The following RBM20 variants were observed in gnomAD, a reference collection of about 807,000 sequenced individuals.
RBM20 encodes RNA binding motif protein 20.
RBM20 carries 51 observed loss-of-function variants against 110.1 expected under a neutral mutation model. The ratio of observed to expected loss-of-function variants is 0.46; its 90% CI spans 0.37 to 0.59. The LOEUF is 0.59. Among genes scored for constraint, RBM20 ranks in the 20% least tolerant of loss-of-function variants. The pLI is 0.00. For missense variants in RBM20, 1,512 were observed against 1,574.9 expected (o/e 0.96, Z 0.68); for synonymous variants, 589 against 618.2 (o/e 0.95, Z 0.70).
intron 1 of RBM20, among the ~76,000 whole-genome samples, chr10:110,730,346 C>T (rs569884111): frequency 9.8e-5 from 15 of 152,318 alleles, no homozygotes; most frequent in South Asian, 2.1e-4. Flanking sequence ...AAATTGAATG[C>T]GCCTGATTTT....
Position 110,699,880 on chromosome 10 carries a change from G to A in RBM20, c.191+55235G>A, listed in dbSNP as rs1028166994. On this transcript the variant is annotated intron_variant, in intron 1 of 13. Coordinates refer to ENST00000369519, the MANE Select transcript of RBM20 (RefSeq NM_001134363.3). ...GGATGTCTTGATCACACGCACTGCCGTATCATCACCGTTTATCCTATCATT... is the reference window on the plus strand; with the variant it reads ...GGATGTCTTGATCACACGCACTGCCATATCATCACCGTTTATCCTATCATT... 3.3e-5 allele frequency among the ~76,000 whole-genome samples: 5 copies of A among 152,104 alleles called. No homozygotes were observed. In the East Asian group the frequency reaches 7.7e-4, roughly 23 times the overall value.
chr10:110,767,923 G>A lies in RBM20; in HGVS notation c.192-12878G>A, dbSNP rs183815088. 5.1e-3 allele frequency among the ~76,000 whole-genome samples: 784 copies of A among 152,366 alleles called. 28 individuals carry two copies. The highest frequency in any genetic ancestry group is 0.045 in the Admixed American group (691 of 15,304). On this transcript the variant is annotated intron_variant, in intron 1 of 13. Transcript: ENST00000369519. ...TAGCCAGCCGAGATCACGCCACTGCGCTCCAGCCTGGGCACCATTGAGCAC... is the reference window on the plus strand; with the variant it reads ...TAGCCAGCCGAGATCACGCCACTGCACTCCAGCCTGGGCACCATTGAGCAC...
chr10:110,644,067 C>T (rs955351443), upstream of RBM20, among the ~76,000 whole-genome samples: 2 of 152,174 alleles, frequency 1.3e-5, no homozygotes, highest in Non-Finnish European at 2.9e-5. This position sits in a 1 kb window ranked among gnomAD's most constrained non-coding sequence, Gnocchi z 4.3. Context: ...TATGCTGCGC[C>T]GTGGAACGCT....
chr10:110,744,008 C>T (rs902303412), intron 1 of RBM20, among the ~76,000 whole-genome samples: 4 of 152,136 alleles, frequency 2.6e-5, no homozygotes, highest in African/African-American at 9.7e-5. Context: ...GGGCTCCAGT[C>T]CCCTTTTCTT....
In RBM20 at chr10:110,720,091, G is replaced by C. The variant is rs1346362204; in HGVS notation, c.192-60710G>C. ...AAGGGCACTAATCCCAGTTATGAGG[G>C]CTCTGTCCTAGTGACCTAATCACCT... On this transcript the variant is annotated intron_variant, in intron 1 of 13. Transcript: ENST00000369519. Among the ~76,000 whole-genome samples the C allele has an allele frequency of 2.0e-5, 3 of 152,110 alleles. 1 individual carries two copies. In the East Asian group the frequency reaches 5.8e-4, roughly 29 times the overall value.
At chr10:110,721,411 C>T (rs551704933) in intron 1 of RBM20, among the ~76,000 whole-genome samples, 23 of 152,272 alleles carry the variant, frequency 1.5e-4, no homozygotes, top group African/African-American at 5.1e-4. Flanking sequence ...CAGTGGGCCT[C>T]GGAGTGGGCA....
At chr10:110,657,667 TACTTTGC>T (rs925553796) in intron 1 of RBM20, among the ~76,000 whole-genome samples, 3 of 152,240 alleles carry the variant, frequency 2.0e-5, no homozygotes, top group Non-Finnish European at 4.4e-5. Flanking sequence ...TTGGGCCTTT[TACTTTGC>T]TAAGTAGTAT....
chr10:110,684,016 G>A lies in RBM20; in HGVS notation c.191+39371G>A, dbSNP rs60933391. On this transcript the variant is annotated intron_variant, in intron 1 of 13. Coordinates refer to ENST00000369519, the MANE Select transcript of RBM20 (RefSeq NM_001134363.3). Reference sequence around the variant, plus strand: ...TTAATTAACTATATTTTGGGGCGGCGGGAGATGAGTAAATTCATTCAGCTC... The same window carrying A: ...TTAATTAACTATATTTTGGGGCGGCAGGAGATGAGTAAATTCATTCAGCTC... Among the ~76,000 whole-genome samples the A allele has an allele frequency of 3.0e-3, 457 of 152,250 alleles. 3 individuals carry two copies. Among genetic ancestry groups the A allele is most frequent in the African/African-American group, 9.8e-3 (409 of 41,538 alleles).
chr10:110,808,278 G>T (rs116810549), intron 7 of RBM20, among the ~76,000 whole-genome samples: 2,705 of 152,338 alleles, frequency 0.018, 84 homozygotes, highest in African/African-American at 0.062. Flanking sequence ...ATCCTGGGCA[G>T]CAGCTTTCTT....
intron 1 of RBM20, among the ~76,000 whole-genome samples, chr10:110,703,312 A>C (rs994467302): frequency 1.3e-5 from 2 of 151,700 alleles, no homozygotes; most frequent in African/African-American, 4.8e-5. Flanking sequence ...CAGGAGGCGG[A>C]GGTTGCAGTG....
At chr10:110,799,075 C>A (rs1844588283) in intron 6 of RBM20, among the ~76,000 whole-genome samples, 1 of 152,182 alleles carries the variant, frequency 6.6e-6, no homozygotes, top group Non-Finnish European at 1.5e-5. Context: ...CTTTAACTCA[C>A]AACAACATGG....
rs773932789 is a variant in RBM20, at chr10:110,781,509, G to T, written c.900G>T (p.Gln300His). The T allele has an allele frequency of 1.7e-5, 26 of 1,551,670 alleles. No individual in the cohort carries two copies. In the South Asian group the frequency reaches 3.1e-4, roughly 18 times the overall value. ...TGGCCAGCGGATTTCCAGCTGAGCA[G>T]GCTGGGGGCCTGAAAAGTGAGGTCG... ...SHVASGFPAEQAGGLKSEVGP... is the reference protein window; with the variant it reads ...SHVASGFPAEHAGGLKSEVGP... The change falls in exon 2 of 14, where the codon CAG (glutamine) becomes CAT (histidine). Residue 300 changes from glutamine (Q) to histidine (H), a missense_variant. By Grantham distance (24) the Gln-to-His change is conservative. Around this residue, in one of 3 missense-constraint regions of RBM20, gnomAD observed 1,149 missense variants for 1,169.4 expected, o/e 0.98. Transcript: ENST00000369519.
At chr10:110,732,208 T>C (rs534484966) in intron 1 of RBM20, among the ~76,000 whole-genome samples, 38 of 152,338 alleles carry the variant, frequency 2.5e-4, no homozygotes, top group African/African-American at 8.9e-4. Context: ...ATCTGTTTCA[T>C]GGTCATCTCC....
At chr10:110,800,050 G>A in intron 7 of RBM20, 132 bp downstream of exon 7, 2 of 846,058 alleles carry the variant, frequency 2.4e-6, no homozygotes, top group Admixed American at 2.4e-5. Flanking sequence ...CACTGCCTTT[G>A]AGGATCTCGA....
chr10:110,662,493 T>G (rs925017440), intron 1 of RBM20, among the ~76,000 whole-genome samples: 1 of 152,222 alleles, frequency 6.6e-6, no homozygotes, highest in Non-Finnish European at 1.5e-5. Context: ...CAGAGGTTTT[T>G]AATTAAAGCT....
At chr10:110,823,441 T>C (rs1185635296) in intron 11 of RBM20, 39 bp from the exon 12 acceptor site, 26 of 238,240 alleles carry the variant, frequency 1.1e-4, no homozygotes, top group Non-Finnish European at 1.3e-4. Flanking sequence ...CTTTTTTTTT[T>C]TTTTTTTTTT....
intron 12 of RBM20, among the ~76,000 whole-genome samples, chr10:110,828,894 G>A (rs1845014691): frequency 6.6e-6 from 1 of 152,152 alleles, no homozygotes; most frequent in Non-Finnish European, 1.5e-5. Context: ...ATCGGTTCCA[G>A]AACTGACAGA....
At position 110,767,384 on chromosome 10, in the gene RBM20, G is replaced by A. The variant is rs1462542710; in HGVS notation, c.192-13417G>A. 2.9e-3 allele frequency among the ~76,000 whole-genome samples: 426 copies of A among 147,358 alleles called. 6 individuals are homozygous for A. Among genetic ancestry groups the A allele is most frequent in the African/African-American group, 9.4e-3 (378 of 40,098 alleles). On this transcript the variant is annotated intron_variant, in intron 1 of 13. Coordinates refer to ENST00000369519, the MANE Select transcript of RBM20 (RefSeq NM_001134363.3). ...TCCCGGACAGGGCGGCTGGCCTGGCGGGGGCTGACCCCCACCTCCCTCCCG... is the reference window on the plus strand; with the variant it reads ...TCCCGGACAGGGCGGCTGGCCTGGCAGGGGCTGACCCCCACCTCCCTCCCG...
chr10:110,772,989 A>G (rs1844213427), intron 1 of RBM20, among the ~76,000 whole-genome samples: 13 of 152,074 alleles, frequency 8.5e-5, no homozygotes, highest in Admixed American at 8.5e-4. Context: ...AAAAAAAAGA[A>G]CTCCCTGAGA....
Sources: allele counts gnomAD v4.1 joint callset (sites outside exome capture counted in the v4.1 genomes callset), GRCh38; gene constraint gnomAD v4.1.1; regional missense constraint gnomAD v4.1.1; non-coding constraint Gnocchi (gnomAD v3.1); transcripts MANE v1.5; gene names NCBI Gene and HGNC (gene_info 2026-07-23, HGNC 2026-07-21).